The following MAGI2 variants were observed in gnomAD, a reference collection of about 807,000 sequenced individuals.
The protein encoded by MAGI2 is membrane associated guanylate kinase, WW and PDZ domain containing 2, also known as membrane-associated guanylate kinase, WW and PDZ domain-containing protein 2.
Under a neutral mutation model 133.3 loss-of-function variants are expected in MAGI2, and 35 were observed. The ratio of observed to expected loss-of-function variants is 0.26; its 90% CI spans 0.20 to 0.35. The LOEUF is 0.35. Ranked by LOEUF, MAGI2 falls within the 10% of genes least tolerant of loss-of-function variation. The probability of loss-of-function intolerance (pLI) is 1.00; values close to 1 mark genes in which losing one functional copy is unlikely to be tolerated. For missense variants in MAGI2, 1,636 were observed against 1,863.4 expected (o/e 0.88, Z 2.25); for synonymous variants, 729 against 710.6 (o/e 1.03, Z -0.41).
intron 3 of MAGI2, among the ~76,000 whole-genome samples, chr7:78,563,959 T>C (rs757165317): frequency 6.6e-6 from 1 of 152,208 alleles, no homozygotes; most frequent in Non-Finnish European, 1.5e-5. Flanking sequence ...TTAAATTGGA[T>C]TAGATCAAAG....
At chr7:79,255,118 C>T (rs915586673) in intron 1 of MAGI2, among the ~76,000 whole-genome samples, 1 of 152,086 alleles carries the variant, frequency 6.6e-6, no homozygotes, top group African/African-American at 2.4e-5. Context: ...CTTCATTTTT[C>T]TATAAACTTG....
intron 18 of MAGI2, among the ~76,000 whole-genome samples, chr7:78,129,367 A>G (rs929452975): frequency 3.3e-5 from 5 of 152,232 alleles, no homozygotes; most frequent in African/African-American, 1.2e-4. Flanking sequence ...TTTTAAGTGA[A>G]TAATATACCA....
At chr7:79,157,131 G>A (rs536668930) in intron 1 of MAGI2, among the ~76,000 whole-genome samples, 5 of 152,150 alleles carry the variant, frequency 3.3e-5, no homozygotes, top group African/African-American at 9.6e-5. Flanking sequence ...AATCTCAATT[G>A]GCTTGTCTGT....
intron 6 of MAGI2, among the ~76,000 whole-genome samples, chr7:78,410,104 G>C (rs1464034810): frequency 1.3e-5 from 2 of 151,972 alleles, no homozygotes; most frequent in African/African-American, 2.4e-5. Flanking sequence ...AGTAAGGGGA[G>C]CCATGGGTGC....
chr7:78,017,501 T>G lies in MAGI2; in HGVS notation c.*1814A>C, dbSNP rs1222701899. On this transcript the variant is annotated 3_prime_UTR_variant, in exon 22 of 22. Transcript: ENST00000354212. Reference sequence around the variant, plus strand: ...TACAGAAGCATTGTCCAAAACCAGATTCAATAAATTAATGGCAAACTATAC... The same window carrying G: ...TACAGAAGCATTGTCCAAAACCAGAGTCAATAAATTAATGGCAAACTATAC... The G allele has an allele frequency of 6.6e-6, 1 of 152,448 alleles. No homozygotes were observed. The highest frequency in any genetic ancestry group is 1.5e-5 in the Non-Finnish European group (1 of 68,030). 9.4% of individuals were successfully genotyped at this position (152,448 alleles called of 1,614,324 possible).
intron 12 of MAGI2, among the ~76,000 whole-genome samples, chr7:78,189,083 T>C (rs560633675): frequency 3.9e-4 from 60 of 152,312 alleles, no homozygotes; most frequent in African/African-American, 1.4e-3. Flanking sequence ...CTACAACTCT[T>C]GCTCACTAAT....
At chr7:79,151,418 A>G (rs1823228048) in intron 1 of MAGI2, among the ~76,000 whole-genome samples, 1 of 152,162 alleles carries the variant, frequency 6.6e-6, no homozygotes, top group Admixed American at 6.6e-5. Context: ...ATTTATTTGC[A>G]ACTAAATTTT....
chr7:78,824,281 G>C (rs1443754569), intron 2 of MAGI2, among the ~76,000 whole-genome samples: 1 of 152,024 alleles, frequency 6.6e-6, no homozygotes. Context: ...TAATCCTCTG[G>C]GTATATACTC....
chr7:78,736,815 C>T (rs1821899417), intron 2 of MAGI2, among the ~76,000 whole-genome samples: 1 of 151,994 alleles, frequency 6.6e-6, no homozygotes, highest in African/African-American at 2.4e-5. Context: ...TTAAGAATGT[C>T]CCTGACCAAA....
intron 1 of MAGI2, among the ~76,000 whole-genome samples, chr7:79,102,863 A>G (rs1428968258): frequency 6.6e-6 from 1 of 152,204 alleles, no homozygotes; most frequent in African/African-American, 2.4e-5. Flanking sequence ...TAGTTTGCAG[A>G]TGTAATTAAA....
chr7:78,817,645 T>C (rs966094916), intron 2 of MAGI2, among the ~76,000 whole-genome samples: 6 of 152,218 alleles, frequency 3.9e-5, no homozygotes, highest in African/African-American at 1.4e-4. Flanking sequence ...CAATAAAGTA[T>C]GTTTAACATA....
intron 3 of MAGI2, chr7:78,617,913 A>G (rs1807281880): frequency 6.6e-6 from 1 of 152,046 alleles, no homozygotes; most frequent in Admixed American, 6.6e-5. Context: ...ACCTGAGGTC[A>G]ACTAGATTTT....
chr7:78,394,709 AT>A (rs1423920718), intron 6 of MAGI2, among the ~76,000 whole-genome samples: 2 of 151,914 alleles, frequency 1.3e-5, no homozygotes, highest in Admixed American at 6.6e-5. Flanking sequence ...TAATTTTCTC[AT>A]TTTTTTTCAC....
chr7:79,346,834 G>C (rs140200336), intron 1 of MAGI2, among the ~76,000 whole-genome samples: 3 of 151,844 alleles, frequency 2.0e-5, no homozygotes, highest in African/African-American at 7.3e-5. Context: ...AGAGCTGTTC[G>C]TTCACACAAT....
intron 9 of MAGI2, among the ~76,000 whole-genome samples, chr7:78,310,973 T>G (rs918530260): frequency 3.9e-5 from 6 of 152,132 alleles, no homozygotes; most frequent in African/African-American, 1.2e-4. Context: ...TTGAGTGTGA[T>G]GAGATAACAA....
intron 2 of MAGI2, among the ~76,000 whole-genome samples, chr7:78,922,278 G>T (rs7798086): frequency 0.036 from 5,446 of 151,290 alleles, 318 homozygotes; most frequent in African/African-American, 0.12. Flanking sequence ...TGCCATGCTG[G>T]TGTGCTGCAC....
intron 2 of MAGI2, among the ~76,000 whole-genome samples, chr7:78,967,839 T>C (rs1195733648): frequency 6.6e-6 from 1 of 152,106 alleles, no homozygotes; most frequent in Non-Finnish European, 1.5e-5. Context: ...GTTTTTTGTT[T>C]GTTTGTTTTG....
Position 78,867,818 on chromosome 7 carries a change from C to T in MAGI2, c.418+139272G>A, listed in dbSNP as rs114807669. 2.1e-3 allele frequency among the ~76,000 whole-genome samples: 325 copies of T among 151,890 alleles called. 3 individuals carry two copies. The highest frequency in any genetic ancestry group is 7.5e-3 in the African/African-American group (310 of 41,380). On this transcript the variant is annotated intron_variant, in intron 2 of 21. Coordinates refer to ENST00000354212, the MANE Select transcript of MAGI2 (RefSeq NM_012301.4). ...GTAAGAGACCGTAGCCCTTGGGATG[C>T]GGAGAAGGCAGCAAATTTGGAAAGG...
chr7:79,071,054 G>T (rs1018777550), intron 1 of MAGI2, among the ~76,000 whole-genome samples: 1 of 152,142 alleles, frequency 6.6e-6, no homozygotes, highest in Admixed American at 6.5e-5. Context: ...CAGCCTTATT[G>T]CACTGGTTTC....
Sources: gnomAD v4.1 joint callset for allele counts (sites outside exome capture counted in the v4.1 genomes callset) on GRCh38, gnomAD v4.1.1 for gene constraint, MANE v1.5 for transcripts, NCBI Gene and HGNC (gene_info 2026-07-23, HGNC 2026-07-21) for gene names.